Variants in CHIC2 observed in about 807,000 individuals in gnomAD.
CHIC2 encodes the protein cysteine-rich hydrophobic domain-containing protein 2.
Under a neutral mutation model 25.9 loss-of-function variants are expected in CHIC2, and 14 were observed. The observed-to-expected ratio is 0.54, with a 90% confidence interval of 0.36 to 0.85. CHIC2 has a LOEUF of 0.85. Ranked by LOEUF, CHIC2 falls within the 40% of genes least tolerant of loss-of-function variation. The pLI is 0.01. For missense variants in CHIC2, 146 were observed against 202.0 expected (o/e 0.72, Z 1.68); for synonymous variants, 70 against 72.0 (o/e 0.97, Z 0.14).
intron 3 of CHIC2, among the ~76,000 whole-genome samples, chr4:54,039,146 G>A (rs1473956299): frequency 6.6e-6 from 1 of 151,910 alleles, no homozygotes; most frequent in Non-Finnish European, 1.5e-5. Flanking sequence ...TAAAAGTAAA[G>A]AGATCACAGG....
chr4:54,077,933 T>G, the CHIC2 span, among the ~76,000 whole-genome samples: 10 of 152,258 alleles, frequency 6.6e-5, no homozygotes, highest in Non-Finnish European at 1.5e-5. Context: ...CAAACCCACC[T>G]ACACCCTGTG....
chr4:54,089,979 T>C, the CHIC2 span, among the ~76,000 whole-genome samples: 1 of 152,174 alleles, frequency 6.6e-6, no homozygotes, highest in Non-Finnish European at 1.5e-5. Context: ...TAAAAAACTT[T>C]TAGGCTATGT....
chr4:54,026,140 G>A (rs1716051389), intron 3 of CHIC2, among the ~76,000 whole-genome samples: 1 of 152,162 alleles, frequency 6.6e-6, no homozygotes, highest in Non-Finnish European at 1.5e-5. Flanking sequence ...AAATGATGGA[G>A]CTCGGATCTG....
intron 3 of CHIC2, among the ~76,000 whole-genome samples, chr4:54,024,049 G>A (rs568766756): frequency 2.6e-5 from 4 of 152,298 alleles, no homozygotes; most frequent in East Asian, 3.9e-4. Context: ...AGCAGCTAGC[G>A]TTCCAACTTC....
chr4:54,077,635 G>C, the CHIC2 span, among the ~76,000 whole-genome samples: 1 of 152,118 alleles, frequency 6.6e-6, no homozygotes, highest in Non-Finnish European at 1.5e-5. Flanking sequence ...GCCTGTAAGA[G>C]GTTTCTCCAC....
intron 3 of CHIC2, among the ~76,000 whole-genome samples, chr4:54,023,193 G>A (rs149980213): frequency 0.012 from 1,883 of 152,136 alleles, 32 homozygotes; most frequent in African/African-American, 0.042. Context: ...TGGGCTCTGC[G>A]GTCAAAATTC....
intron 3 of CHIC2, among the ~76,000 whole-genome samples, chr4:54,034,760 A>G (rs1716333389): frequency 6.6e-6 from 1 of 152,156 alleles, no homozygotes; most frequent in Non-Finnish European, 1.5e-5. Context: ...CCCTGGCTAG[A>G]ATCTCCAGAA....
At chr4:54,049,211 A>C (rs1716928725) in intron 2 of CHIC2, 40 bp downstream of exon 2, 1 of 1,570,056 alleles carries the variant, frequency 6.4e-7, no homozygotes, top group South Asian at 1.2e-5. Flanking sequence ...AAAAACTTTC[A>C]TTTTGAGGCA....
intron 5 of CHIC2, among the ~76,000 whole-genome samples, chr4:54,013,544 T>C (rs1289227163): frequency 6.6e-6 from 1 of 152,128 alleles, no homozygotes; most frequent in Admixed American, 6.6e-5. Context: ...TGGTTATTCT[T>C]TATACAGCAT....
At chr4:54,058,496 C>A (rs1470606277) in intron 1 of CHIC2, among the ~76,000 whole-genome samples, 2 of 151,760 alleles carry the variant, frequency 1.3e-5, no homozygotes, top group Non-Finnish European at 2.9e-5. Context: ...AATCCCTAGA[C>A]TCTTCCCTTC....
At chr4:54,031,352 C>A in intron 3 of CHIC2, among the ~76,000 whole-genome samples, 1 of 151,972 alleles carries the variant, frequency 6.6e-6, no homozygotes, top group Admixed American at 6.6e-5. Flanking sequence ...GAATCTTCTT[C>A]TTATTAGTAA....
At chr4:54,037,826 T>A (rs548217058) in intron 3 of CHIC2, among the ~76,000 whole-genome samples, 1 of 151,858 alleles carries the variant, frequency 6.6e-6, no homozygotes, top group Admixed American at 6.6e-5. Flanking sequence ...AGAGAGAAAA[T>A]CACAAATACT....
the CHIC2 span, chr4:54,087,667 G>T: frequency 1.8e-6 from 1 of 554,148 alleles, no homozygotes; most frequent in Non-Finnish European, 3.2e-6. Flanking sequence ...GAAGAGCCTT[G>T]CGTTATTGTT....
At chr4:54,065,129 G>A (rs1717483216), upstream of CHIC2, among the ~76,000 whole-genome samples, 1 of 152,148 alleles carries the variant, frequency 6.6e-6, no homozygotes, top group Non-Finnish European at 1.5e-5. Flanking sequence ...CAGAGACACT[G>A]CAAACATTTG....
In CHIC2 at chr4:54,014,099, C is replaced by G; in HGVS notation, c.351G>C (p.Lys117Asn). Residue 117 changes from lysine to asparagine, a missense_variant, in exon 4 of 6, where the codon AAG becomes AAC. Coordinates refer to ENST00000263921, the MANE Select transcript of CHIC2 (RefSeq NM_012110.4). ...LSKRTRRSIE[K>N]LLEWENNRLY... is the part of the protein sequence containing the mutation. The stretch of plus-strand genomic sequence containing the variant: ...ACCTATTGTTTTCCCATTCTAATAA[C>G]TTCTCAATCGATCTTCGTGTCTGGA... 1 of 1,613,360 alleles carries G rather than the reference C, an allele frequency of 6.2e-7. No homozygotes were observed. The highest frequency in any genetic ancestry group is 8.5e-7 in the Non-Finnish European group (1 of 1,179,544).
chr4:54,029,120 T>G (rs536862097), intron 3 of CHIC2, among the ~76,000 whole-genome samples: 27 of 142,862 alleles, frequency 1.9e-4, no homozygotes, highest in African/African-American at 6.8e-4. Context: ...AGACTCCATC[T>G]CAAAGAAAAA....
intron 3 of CHIC2, among the ~76,000 whole-genome samples, chr4:54,033,709 G>A (rs1008155275): frequency 5.3e-5 from 8 of 152,122 alleles, no homozygotes; most frequent in Admixed American, 2.6e-4. Flanking sequence ...TGTACAGATT[G>A]AAGGATTTTA....
chr4:54,011,951 A>T (rs1209973725), intron 5 of CHIC2, among the ~76,000 whole-genome samples: 1 of 152,036 alleles, frequency 6.6e-6, no homozygotes, highest in Non-Finnish European at 1.5e-5. Flanking sequence ...ACACATGGTT[A>T]AAAAGGCCCA....
intron 3 of CHIC2, among the ~76,000 whole-genome samples, chr4:54,023,745 C>T (rs533986358): frequency 2.0e-5 from 3 of 152,272 alleles, no homozygotes; most frequent in South Asian, 4.2e-4. Context: ...CTCAGCAAGG[C>T]GAACTCATGC....
Sources: allele counts gnomAD v4.1 joint callset (sites outside exome capture counted in the v4.1 genomes callset), GRCh38; gene constraint gnomAD v4.1.1; transcripts MANE v1.5; gene names NCBI Gene and HGNC (gene_info 2026-07-23, HGNC 2026-07-21).